The following MYO6 variants were observed in gnomAD, a reference collection of about 807,000 sequenced individuals.
MYO6 encodes myosin VI, also known as unconventional myosin-VI.
In MYO6, 74 loss-of-function variants were observed where a neutral mutation model predicts 178.7. That is an observed-to-expected ratio of 0.41 (90% CI 0.34 to 0.50). The LOEUF is 0.50. Ranked by LOEUF, MYO6 falls within the 20% of genes least tolerant of loss-of-function variation. The pLI, the probability that MYO6 is intolerant of heterozygous loss-of-function variation, is 0.09. For synonymous variants in MYO6, 477 were observed against 504.6 expected, an observed-to-expected ratio of 0.95 and a Z score of 0.73; for missense variants, 1,330 against 1,547.4, an observed-to-expected ratio of 0.86 and a Z score of 2.36.
intron 1 of MYO6, among the ~76,000 whole-genome samples, chr6:75,779,291 C>T (rs562437782): frequency 1.8e-4 from 28 of 152,174 alleles, no homozygotes; most frequent in Non-Finnish European, 3.1e-4. Context: ...TACCTGAGGT[C>T]AGGAGTTTGA....
chr6:75,882,628 A>G (rs1215052846), intron 23 of MYO6, among the ~76,000 whole-genome samples: 1 of 152,174 alleles, frequency 6.6e-6, no homozygotes, highest in Admixed American at 6.5e-5. Flanking sequence ...AAAAAAAGAT[A>G]TTTATTTACA....
intron 30 of MYO6, among the ~76,000 whole-genome samples, chr6:75,900,519 C>A (rs1779679993): frequency 6.6e-6 from 1 of 152,076 alleles, no homozygotes; most frequent in Admixed American, 6.6e-5. Context: ...TTTTTTTTGG[C>A]TGCATAAATG....
chr6:75,832,619 T>C (rs1773214051), intron 5 of MYO6, among the ~76,000 whole-genome samples: 1 of 152,228 alleles, frequency 6.6e-6, no homozygotes, highest in South Asian at 2.1e-4. Context: ...GTTGTTTATT[T>C]GGATTTCATA....
chr6:75,802,476 A>G (rs1194534827), intron 1 of MYO6, among the ~76,000 whole-genome samples: 2 of 103,268 alleles, frequency 1.9e-5, no homozygotes, highest in African/African-American at 1.0e-4. Flanking sequence ...ATCAAAAAAA[A>G]AAATTTTTTT....
rs778724535 is a variant in MYO6 at position 75,916,812 on chromosome 6, A to G, written c.*1800A>G. 1.3e-5 allele frequency: 2 copies of G among 152,202 alleles called. No individual in the cohort carries two copies. Among genetic ancestry groups the G allele is most frequent in the African/African-American group, 2.4e-5 (1 of 41,456 alleles). 9.4% of individuals were successfully genotyped at this position (152,202 alleles called of 1,614,324 possible). ...TAGATGGAAAATTAAAGAGTTAAAC[A>G]TATTTAAATGAGAGAATCTAATGTT... On this transcript the variant is annotated 3_prime_UTR_variant, in exon 35 of 35. Coordinates refer to ENST00000369977, the MANE Select transcript of MYO6 (RefSeq NM_004999.4).
At position 75,918,101 on chromosome 6, in the gene MYO6, A is replaced by G. The variant is rs1049969322; in HGVS notation, c.*3089A>G. On this transcript the variant is annotated 3_prime_UTR_variant, in exon 35 of 35. Transcript: ENST00000369977. ...ATATGTAACAAAAAGAACCAAAACA[A>G]ACACTTTTTAGTGGCACCTGTGGAT... is the stretch of plus-strand genomic sequence containing the variant. 1.3e-5 allele frequency: 2 copies of G among 152,234 alleles called. No individual in the cohort carries two copies. Among genetic ancestry groups the G allele is most frequent in the Non-Finnish European group, 2.9e-5 (2 of 68,052 alleles). The allele number at this position is 152,234 out of a possible 1,614,324, so 9.4% of individuals were successfully genotyped here.
At chr6:75,801,388 A>G (rs1243834067) in intron 1 of MYO6, among the ~76,000 whole-genome samples, 1 of 152,108 alleles carries the variant, frequency 6.6e-6, no homozygotes, top group African/African-American at 2.4e-5. Flanking sequence ...GCATGGCTTA[A>G]GAAGGAATAG....
At chr6:75,875,182 GT>G (rs1185975417) in intron 20 of MYO6, among the ~76,000 whole-genome samples, 1 of 152,198 alleles carries the variant, frequency 6.6e-6, no homozygotes, top group Non-Finnish European at 1.5e-5. Flanking sequence ...ATATCTGTCA[GT>G]TTAGTAGCCA....
chr6:75,886,232 A>T (rs763607173), intron 24 of MYO6, 138 bp downstream of exon 24: 29 of 632,448 alleles, frequency 4.6e-5, no homozygotes, highest in Non-Finnish European at 7.6e-5. Flanking sequence ...TTAGTCTTTT[A>T]TTTGTAATAT....
chr6:75,751,419 A>G (rs1416933173), intron 1 of MYO6, among the ~76,000 whole-genome samples: 3 of 152,228 alleles, frequency 2.0e-5, no homozygotes, highest in Admixed American at 6.5e-5. Flanking sequence ...TATAATATAT[A>G]AAACTATATA....
chr6:75,787,720 C>G (rs547857569), intron 1 of MYO6, among the ~76,000 whole-genome samples: 1 of 34,480 alleles, frequency 2.9e-5, no homozygotes, highest in African/African-American at 1.2e-4. Context: ...CTCTCTCTCT[C>G]TCTCTCTCTC....
rs1278884815 is a variant in MYO6 at position 75,914,212 on chromosome 6, T to G, written c.3589T>G (p.Phe1197Val). 6.2e-7 allele frequency: 1 copy of G among 1,614,046 alleles called. No homozygotes were observed. Among genetic ancestry groups the G allele is most frequent in the African/African-American group, 1.3e-5 (1 of 74,934 alleles). ...SKKKGWWYAH[F>V]DGPWIARQME... The stretch of plus-strand genomic sequence containing the variant: ...GAAAAAAGGCTGGTGGTATGCCCAT[T>G]TTGATGGACCATGGATTGCCCGGCA... The change falls in exon 34 of 35, where the codon TTT (phenylalanine) becomes GTT (valine). Residue 1197 changes from phenylalanine to valine, a missense_variant. Transcript: ENST00000369977.
intron 1 of MYO6, among the ~76,000 whole-genome samples, chr6:75,791,943 A>G (rs977334101): frequency 6.6e-6 from 1 of 152,178 alleles, no homozygotes; most frequent in African/African-American, 2.4e-5. Flanking sequence ...AAATATTTCT[A>G]CAGTGGGCTC....
At position 75,752,832 on chromosome 6, in the gene MYO6, G is replaced by C. The variant is rs568521037; in HGVS notation, c.-48+3409G>C. ...TATGTATGCTGTTAAACATATGTAT[G>C]TGTTTAACTTTGATAGGTTTGTGAG... On this transcript the variant is annotated intron_variant, in intron 1 of 34. Coordinates refer to ENST00000369977, the MANE Select transcript of MYO6 (RefSeq NM_004999.4). Among the ~76,000 whole-genome samples, 10 of 152,282 alleles carry C rather than the reference G, an allele frequency of 6.6e-5. No individual in the cohort carries two copies. In the East Asian group the frequency reaches 1.9e-3, roughly 29 times the overall value.
chr6:75,786,083 A>AT (rs1054908776), intron 1 of MYO6, among the ~76,000 whole-genome samples: 7 of 151,084 alleles, frequency 4.6e-5, no homozygotes, highest in African/African-American at 1.7e-4. Flanking sequence ...GCCCAGCTAA[A>AT]TTTTTTTTGT....
intron 15 of MYO6, 124 bp from the exon 16 acceptor site, chr6:75,862,472 A>G (rs1251314818): frequency 3.4e-6 from 3 of 872,558 alleles, no homozygotes; most frequent in Non-Finnish European, 3.7e-6. Context: ...GAGAGAACAC[A>G]TATAGAATCA....
chr6:75,782,025 T>C (rs1044573160), intron 1 of MYO6, among the ~76,000 whole-genome samples: 4 of 149,938 alleles, frequency 2.7e-5, no homozygotes, highest in East Asian at 2.0e-4. Flanking sequence ...AGAGTGAAAC[T>C]AATTATTCTG....
chr6:75,853,489 C>T (rs951353980), intron 11 of MYO6, among the ~76,000 whole-genome samples: 4 of 152,054 alleles, frequency 2.6e-5, no homozygotes, highest in African/African-American at 9.7e-5. Context: ...GTCTTTGATT[C>T]CATTTTGAGT....
At chr6:75,768,505 C>T (rs1044775946) in intron 1 of MYO6, among the ~76,000 whole-genome samples, 5 of 151,734 alleles carry the variant, frequency 3.3e-5, no homozygotes, top group South Asian at 2.1e-4. Context: ...CTCAGCCTCC[C>T]GAGTAGCTGG....
Sources: gnomAD v4.1 joint callset for allele counts (sites outside exome capture counted in the v4.1 genomes callset) on GRCh38, gnomAD v4.1.1 for gene constraint, MANE v1.5 for transcripts, NCBI Gene and HGNC (gene_info 2026-07-23, HGNC 2026-07-21) for gene names.